The following BMPER variants were observed in gnomAD, a reference collection of about 807,000 sequenced individuals.
BMPER encodes the protein BMP binding endothelial regulator, also known as BMP-binding endothelial regulator protein.
In BMPER, 45 loss-of-function variants were observed where a neutral mutation model predicts 87.3. The observed-to-expected ratio is 0.52, with a 90% confidence interval of 0.41 to 0.66. The LOEUF is 0.66. Among genes scored for constraint, BMPER ranks in the 30% least tolerant of loss-of-function variants. The pLI is 0.00. For synonymous variants in BMPER, 326 were observed against 316.2 expected (o/e 1.03, Z -0.33); for missense variants, 784 against 867.5 (o/e 0.90, Z 1.21).
intron 13 of BMPER, among the ~76,000 whole-genome samples, chr7:34,119,014 T>TCACACACACACACACA (rs138792693): frequency 0.29 from 39,210 of 135,564 alleles, 6,326 homozygotes; most frequent in East Asian, 0.67. Context: ...TCTCTCTCTC[T>TCACACACACACACACA]CACACACACA....
intron 6 of BMPER, among the ~76,000 whole-genome samples, chr7:33,991,423 T>C (rs1296919632): frequency 6.6e-6 from 1 of 152,176 alleles, no homozygotes; most frequent in Admixed American, 6.5e-5. Context: ...TGTAGTATTC[T>C]CTGATGGTAG....
At chr7:34,032,471 A>G (rs1170463723) in intron 6 of BMPER, among the ~76,000 whole-genome samples, 1 of 151,824 alleles carries the variant, frequency 6.6e-6, no homozygotes, top group East Asian at 1.9e-4. Flanking sequence ...ATTTCTACAA[A>G]TCGAATGATA....
chr7:34,078,824 G>T (rs1319192047), intron 11 of BMPER, 33 bp from the exon 12 acceptor site: 1 of 1,609,966 alleles, frequency 6.2e-7, no homozygotes, highest in South Asian at 1.1e-5. Context: ...GGCTTGGTTT[G>T]TGACCCGGCT....
chr7:34,110,426 G>A (rs1021993306), intron 13 of BMPER, among the ~76,000 whole-genome samples: 2 of 152,172 alleles, frequency 1.3e-5, no homozygotes, highest in African/African-American at 4.8e-5. Context: ...TTTGATTAGT[G>A]TAGCACTGAG....
Position 34,051,789 on chromosome 7 carries a change from TG to T in BMPER, c.677-70del, listed in dbSNP as rs1306323887. 3 of 1,295,664 alleles carry T rather than the reference TG, an allele frequency of 2.3e-6. No homozygotes were observed. The East Asian group carries it at 6.9e-5, about 30-fold the overall frequency. 80.3% of individuals were successfully genotyped at this position (1,295,664 alleles called of 1,614,324 possible). On this transcript the variant is annotated intron_variant, in intron 7 of 14. Transcript: ENST00000649409. The stretch of plus-strand genomic sequence containing the variant: ...ATAAGAATGTATAATGGACCTATGA[TG>T]GAATCACCGATGACAAAATGGGACA...
intron 2 of BMPER, 78 bp downstream of exon 2, chr7:33,906,981 C>T: frequency 1.5e-6 from 2 of 1,305,436 alleles, no homozygotes; most frequent in Non-Finnish European, 2.2e-6. Context: ...ATAATATAAC[C>T]AGATCTTACA....
intron 6 of BMPER, among the ~76,000 whole-genome samples, chr7:34,042,054 A>C (rs1268732912): frequency 1.3e-5 from 2 of 152,092 alleles, no homozygotes; most frequent in Non-Finnish European, 2.9e-5. Flanking sequence ...ATCGTCTTGA[A>C]CCCATCACTA....
At chr7:34,089,282 G>T (rs560845377) in intron 13 of BMPER, among the ~76,000 whole-genome samples, 1 of 152,240 alleles carries the variant, frequency 6.6e-6, no homozygotes, top group Middle Eastern at 3.4e-3. Context: ...CCACTGTCTT[G>T]TAACAGAGGG....
intron 2 of BMPER, chr7:33,921,944 A>T (rs916932938): frequency 4.6e-6 from 2 of 432,032 alleles, no homozygotes; most frequent in Non-Finnish European, 9.7e-6. Context: ...ACTCCTCAAA[A>T]CCTCTGCAAG....
intron 13 of BMPER, among the ~76,000 whole-genome samples, chr7:34,128,288 T>C (rs1301285826): frequency 6.6e-6 from 1 of 152,174 alleles, no homozygotes; most frequent in Non-Finnish European, 1.5e-5. Context: ...CTTCCTATCC[T>C]CCATGCCAGA....
At position 34,122,211 on chromosome 7, in the gene BMPER, G is replaced by T. The variant is rs148549385; in HGVS notation, c.1746-21019G>T. ...GATTAGTAAGATATCTGGGCTCCAG[G>T]ACCCACCCCAACAGATTCTGCTTGA... On this transcript the variant is annotated intron_variant, in intron 13 of 14. Coordinates refer to ENST00000649409, the MANE Select transcript of BMPER (RefSeq NM_001365308.1). Among the ~76,000 whole-genome samples the T allele has an allele frequency of 5.5e-3, 834 of 152,252 alleles. 17 individuals carry two copies. The highest frequency in any genetic ancestry group is 0.047 in the Admixed American group (718 of 15,288).
chr7:33,969,432 C>T (rs1485565896), intron 4 of BMPER, among the ~76,000 whole-genome samples: 1 of 152,222 alleles, frequency 6.6e-6, no homozygotes, highest in African/African-American at 2.4e-5. Flanking sequence ...TGGAGTCTCG[C>T]TCTGTCGTCC....
At position 34,140,122 on chromosome 7, in the gene BMPER, T is replaced by C. The variant is rs1409759921; in HGVS notation, c.1746-3108T>C. On this transcript the variant is annotated intron_variant, in intron 13 of 14. Transcript: ENST00000649409. ...TGGATCTGTGATCAGCCCTGTGACA[T>C]TGAGTAAATTACTTAACTTCTTCAA... Among the ~76,000 whole-genome samples the C allele has an allele frequency of 2.6e-5, 4 of 152,212 alleles. No individual in the cohort carries two copies. In the South Asian group the frequency reaches 8.3e-4, roughly 32 times the overall value.
In BMPER at chr7:34,037,164, G is replaced by A. The variant is rs1787697724; in HGVS notation, c.577-9142G>A. ...CACAGTGAACTATTATTGCGCCACT[G>A]CACTCTAGCCTGGGTGAGAGAGACA... On this transcript the variant is annotated intron_variant, in intron 6 of 14. Transcript: ENST00000649409. 2.0e-5 allele frequency among the ~76,000 whole-genome samples: 3 copies of A among 152,130 alleles called. No individual in the cohort carries two copies. The South Asian group carries it at 6.2e-4, about 32-fold the overall frequency.
At chr7:34,019,615 G>A (rs1182048389) in intron 6 of BMPER, among the ~76,000 whole-genome samples, 3 of 151,992 alleles carry the variant, frequency 2.0e-5, no homozygotes, top group Admixed American at 6.6e-5. Context: ...TGGAGTTTAG[G>A]CAGCAAGGAC....
At chr7:34,019,728 TG>T (rs925676849) in intron 6 of BMPER, among the ~76,000 whole-genome samples, 1 of 151,988 alleles carries the variant, frequency 6.6e-6, no homozygotes, top group African/African-American at 2.4e-5. Context: ...GGGACAGACG[TG>T]GCTCCGGCTT....
At chr7:34,089,096 A>T (rs959507395) in intron 13 of BMPER, among the ~76,000 whole-genome samples, 1 of 152,176 alleles carries the variant, frequency 6.6e-6, no homozygotes, top group Non-Finnish European at 1.5e-5. Flanking sequence ...TCATTGGTGG[A>T]ATTTCTAAAA....
intron 12 of BMPER, among the ~76,000 whole-genome samples, chr7:34,084,746 G>C (rs1463863134): frequency 6.6e-6 from 1 of 152,190 alleles, no homozygotes; most frequent in Non-Finnish European, 1.5e-5. Flanking sequence ...TATCTATGCT[G>C]TGTGACAGCA....
At chr7:34,121,227 G>A (rs12534839) in intron 13 of BMPER, among the ~76,000 whole-genome samples, 2 of 152,098 alleles carry the variant, frequency 1.3e-5, no homozygotes, top group Non-Finnish European at 2.9e-5. Context: ...AATAAATATA[G>A]CAAAATGTTA....
Sources: allele counts gnomAD v4.1 joint callset (sites outside exome capture counted in the v4.1 genomes callset), GRCh38; gene constraint gnomAD v4.1.1; transcripts MANE v1.5; gene names NCBI Gene and HGNC (gene_info 2026-07-23, HGNC 2026-07-21).